MIDEAS: variants seen among roughly 807,000 people sequenced by gnomAD.
MIDEAS encodes the protein mitotic deacetylase-associated SANT domain protein.
A neutral mutation model predicts 102.7 loss-of-function variants in MIDEAS; 26 were observed. The ratio of observed to expected loss-of-function variants is 0.25; its 90% CI spans 0.19 to 0.35. MIDEAS has a LOEUF of 0.35. Among genes scored for constraint, MIDEAS ranks in the 10% least tolerant of loss-of-function variants. MIDEAS has a pLI of 1.00. For synonymous variants in MIDEAS, 585 were observed against 591.0 expected (o/e 0.99, Z 0.15); for missense variants, 1,231 against 1,435.6 (o/e 0.86, Z 2.30).
intron 1 of MIDEAS, among the ~76,000 whole-genome samples, chr14:73,778,214 G>A (rs1486565687): frequency 6.6e-6 from 1 of 151,822 alleles, no homozygotes; most frequent in African/African-American, 2.4e-5. Flanking sequence ...AATTAGCCGG[G>A]TGCGGCAGCA....
chr14:73,776,159 C>T (rs2053686053), intron 1 of MIDEAS, among the ~76,000 whole-genome samples: 1 of 151,954 alleles, frequency 6.6e-6, no homozygotes, highest in Admixed American at 6.6e-5. Flanking sequence ...TGGAGAGAGC[C>T]AACCCTCGGC....
At chr14:73,751,083 T>A (rs1439022892) in intron 1 of MIDEAS, among the ~76,000 whole-genome samples, 1 of 152,206 alleles carries the variant, frequency 6.6e-6, no homozygotes, top group Non-Finnish European at 1.5e-5. Flanking sequence ...ACTCCTTGCC[T>A]CAAGGGATCC....
At chr14:73,738,331 T>C (rs914553370) in intron 2 of MIDEAS, among the ~76,000 whole-genome samples, 4 of 152,154 alleles carry the variant, frequency 2.6e-5, no homozygotes, top group Admixed American at 2.0e-4. Flanking sequence ...CGGTGATCTG[T>C]ATCTATCTGT....
intron 2 of MIDEAS, among the ~76,000 whole-genome samples, chr14:73,737,869 C>G (rs916319346): frequency 2.0e-5 from 3 of 150,740 alleles, no homozygotes; most frequent in African/African-American, 7.3e-5. Flanking sequence ...GCAACCTCTG[C>G]CTCCCAGGTT....
At position 73,726,833 on chromosome 14, in the gene MIDEAS, G is replaced by C; in HGVS notation, c.2302C>G (p.Gln768Glu). 6.2e-7 allele frequency: 1 copy of C among 1,608,990 alleles called. No individual in the cohort carries two copies. The highest frequency in any genetic ancestry group is 1.3e-5 in the African/African-American group (1 of 74,958). The change falls in exon 6 of 13, where the codon CAA becomes GAA. Residue 768 changes from glutamine to glutamate, a missense_variant. Coordinates refer to ENST00000423556, the MANE Select transcript of MIDEAS (RefSeq NM_001367710.1). ...CTGCCCCCAGGCCCCTCCTCACCTT[G>C]CCTCTGCTTCTCCCGGCTGCTCTCT... The part of the protein sequence containing the change: ...DLESSREKQR[Q>E]VEDLLTAACS...
rs2052894582 is a variant in MIDEAS at position 73,716,671 on chromosome 14, A to T, written c.*2172T>A. The T allele has an allele frequency of 8.0e-6, 1 of 124,512 alleles. No homozygotes were observed. The highest frequency in any genetic ancestry group is 2.8e-4 in the South Asian group (1 of 3,630). 7.7% of individuals were successfully genotyped at this position (124,512 alleles called of 1,614,324 possible). A position where few individuals can be genotyped will look rare whatever the true frequency, so the allele number is the denominator to read the frequency against. ...GCACTCCAGCCTGGGCGACAGAATG[A>T]GACTCTGTCTCAAAAAAAAAAAAAA... is the stretch of plus-strand genomic sequence containing the variant. On this transcript the variant is annotated 3_prime_UTR_variant, in exon 13 of 13. Coordinates refer to ENST00000423556, the MANE Select transcript of MIDEAS (RefSeq NM_001367710.1).
intron 3 of MIDEAS, among the ~76,000 whole-genome samples, chr14:73,731,699 T>C (rs894568922): frequency 2.6e-5 from 4 of 152,206 alleles, no homozygotes; most frequent in African/African-American, 9.7e-5. Context: ...AACTGAAGTA[T>C]ACACGGATGG....
At chr14:73,727,189 G>T (rs2053073801) in intron 5 of MIDEAS, 13 of 646,224 alleles carry the variant, frequency 2.0e-5, no homozygotes, top group Non-Finnish European at 3.4e-5. Context: ...GCAGCTGCAG[G>T]TTTACAGATG....
At chr14:73,736,106 TCG>T (rs1285049807) in intron 3 of MIDEAS, among the ~76,000 whole-genome samples, 9 of 151,720 alleles carry the variant, frequency 5.9e-5, no homozygotes, top group Non-Finnish European at 2.9e-5. Flanking sequence ...AGCTGAGATC[TCG>T]CCATTGCACT....
intron 1 of MIDEAS, among the ~76,000 whole-genome samples, chr14:73,768,998 CCT>C (rs1177280715): frequency 6.6e-6 from 1 of 152,200 alleles, no homozygotes; most frequent in Non-Finnish European, 1.5e-5. Context: ...ACTCTGCCAG[CCT>C]CTGTCATTTC....
In MIDEAS at chr14:73,759,422, T is replaced by C. The variant is rs920218170; in HGVS notation, c.-248+341A>G. Reference sequence around the variant, plus strand: ...GGCCGCCGGGTGGGGAGGGCTTTCCTGGCGGGGCCGCGCCCGGGTGGGCGG... The same window carrying C: ...GGCCGCCGGGTGGGGAGGGCTTTCCCGGCGGGGCCGCGCCCGGGTGGGCGG... On this transcript the variant is annotated intron_variant, in intron 1 of 12. Transcript: ENST00000423556. This position sits in a 1 kb window ranked among gnomAD's most constrained non-coding sequence, Gnocchi z 6.7. Among the ~76,000 whole-genome samples, 2 of 150,374 alleles carry C rather than the reference T, an allele frequency of 1.3e-5. No homozygotes were observed. Among genetic ancestry groups the C allele is most frequent in the African/African-American group, 4.9e-5 (2 of 40,928 alleles).
upstream of MIDEAS, among the ~76,000 whole-genome samples, chr14:73,787,899 A>T (rs1341620227): frequency 1.4e-5 from 2 of 144,756 alleles, no homozygotes; most frequent in Admixed American, 1.4e-4. Context: ...CAGAAAATAG[A>T]GTCTGATGCA....
At chr14:73,753,155 C>A (rs2140144581) in intron 1 of MIDEAS, among the ~76,000 whole-genome samples, 1 of 152,352 alleles carries the variant, frequency 6.6e-6, no homozygotes, top group South Asian at 2.1e-4. Context: ...AGTCCCCAGG[C>A]CCACAGCTGA....
intron 1 of MIDEAS, among the ~76,000 whole-genome samples, chr14:73,779,110 G>GAA (rs1297184455): frequency 2.0e-5 from 3 of 151,948 alleles, no homozygotes; most frequent in African/African-American, 7.2e-5. Context: ...AAATAGCCGG[G>GAA]CATGGTTGGC....
intron 1 of MIDEAS, among the ~76,000 whole-genome samples, chr14:73,749,370 C>CA (rs66510432): frequency 0.36 from 29,163 of 80,638 alleles, 6,237 homozygotes; most frequent in East Asian, 0.67. Flanking sequence ...CGTGTCTCTA[C>CA]AAAAAAAAAA....
rs748027740 is a variant in MIDEAS, at chr14:73,738,586, C to G, written c.1423G>C (p.Glu475Gln). The G allele has an allele frequency of 1.3e-5, 21 of 1,597,592 alleles. No individual in the cohort carries two copies. Among genetic ancestry groups the G allele is most frequent in the Non-Finnish European group, 1.7e-5 (20 of 1,171,432 alleles). Reference sequence around the variant, plus strand: ...TTTGCATTCTGCAGTGAGGCCAGCTCCACAGCCTTCTGGGCCAGGGTCAGC... The same window carrying G: ...TTTGCATTCTGCAGTGAGGCCAGCTGCACAGCCTTCTGGGCCAGGGTCAGC... ...NLLTLAQKAV[E>Q]LASLQNAKDG... Residue 475 changes from glutamate (E) to glutamine (Q), a missense_variant, in exon 2 of 13, where the codon GAG (glutamate) becomes CAG (glutamine). Around this residue, in one of 5 missense-constraint regions of MIDEAS, gnomAD observed 758 missense variants for 856.0 expected, o/e 0.89. Transcript: ENST00000423556.
chr14:73,784,430 G>A (rs963953129), intron 1 of MIDEAS, among the ~76,000 whole-genome samples: 8 of 152,228 alleles, frequency 5.3e-5, no homozygotes, highest in Non-Finnish European at 8.8e-5. Flanking sequence ...TGTGGCTCCC[G>A]CAGCTCCCTG....
intron 3 of MIDEAS, among the ~76,000 whole-genome samples, chr14:73,730,761 C>T (rs2053128297): frequency 6.6e-6 from 1 of 152,070 alleles, no homozygotes; most frequent in South Asian, 2.1e-4. Context: ...GAGTTCGAGA[C>T]CAGCCTGGCC....
upstream of MIDEAS, among the ~76,000 whole-genome samples, chr14:73,760,513 G>A (rs2053545181): frequency 6.6e-6 from 1 of 152,240 alleles, no homozygotes; most frequent in African/African-American, 2.4e-5. This position sits in a 1 kb window ranked among gnomAD's most constrained non-coding sequence, Gnocchi z 4.8. Flanking sequence ...CACGCTGCTA[G>A]TTCCTTTCAC....
Sources: allele counts gnomAD v4.1 joint callset (sites outside exome capture counted in the v4.1 genomes callset), GRCh38; gene constraint gnomAD v4.1.1; regional missense constraint gnomAD v4.1.1; non-coding constraint Gnocchi (gnomAD v3.1); transcripts MANE v1.5; gene names NCBI Gene and HGNC (gene_info 2026-07-23, HGNC 2026-07-21).